Variants in CHD4 observed in about 807,000 individuals in gnomAD.
CHD4 encodes ATP-dependent chromatin remodeler CHD4.
A neutral mutation model predicts 235.5 loss-of-function variants in CHD4; 35 were observed. The ratio of observed to expected loss-of-function variants is 0.15; its 90% CI spans 0.11 to 0.20. The LOEUF (loss-of-function observed/expected upper bound fraction) is 0.20. Among genes scored for constraint, CHD4 ranks in the 10% least tolerant of loss-of-function variants. The probability of loss-of-function intolerance (pLI) is 1.00; values close to 1 mark genes in which losing one functional copy is unlikely to be tolerated. For missense variants in CHD4, 1,329 were observed against 2,432.3 expected, an observed-to-expected ratio of 0.55 and a Z score of 9.54; for synonymous variants, 900 against 850.2, an observed-to-expected ratio of 1.06 and a Z score of -1.02.
chr12:6,580,932 GGGAGGT>G (rs1349426932), intron 33 of CHD4, 106 bp downstream of exon 33: 2 of 1,183,568 alleles, frequency 1.7e-6, no homozygotes, highest in East Asian at 4.7e-5. Flanking sequence ...GCTCGAACCT[GGGAGGT>G]GGAGGTTGCA....
intron 38 of CHD4, chr12:6,571,266 T>A: frequency 2.1e-6 from 1 of 487,202 alleles, no homozygotes; most frequent in Non-Finnish European, 3.6e-6. Flanking sequence ...CCCTTACTAT[T>A]ATTGTATTTC....
At chr12:6,576,103 T>A (rs11064260) in intron 37 of CHD4, among the ~76,000 whole-genome samples, 39,950 of 151,656 alleles carry the variant, frequency 0.26, 6,589 homozygotes, top group African/African-American at 0.47. Context: ...TCACGCCTGT[T>A]ATCTCAGCAC....
At chr12:6,572,702 C>T (rs61918041) in intron 38 of CHD4, among the ~76,000 whole-genome samples, 3,036 of 152,244 alleles carry the variant, frequency 0.02, 48 homozygotes, top group Non-Finnish European at 0.029. Context: ...GGATTATAAG[C>T]GTGCGTTGCG....
At chr12:6,584,666 G>A (rs1360416587) in intron 25 of CHD4, 1 of 152,212 alleles carries the variant, frequency 6.6e-6, no homozygotes, top group African/African-American at 2.4e-5. Context: ...TTCTAGGCAT[G>A]AGCCACCGTG....
At chr12:6,601,113 T>G in intron 6 of CHD4, 60 bp from the exon 7 acceptor site, 1 of 1,524,438 alleles carries the variant, frequency 6.6e-7, no homozygotes, top group East Asian at 2.3e-5. Flanking sequence ...AAATAAAATC[T>G]TCTCCACCTA....
At chr12:6,580,046 ACTCCGT>A (rs1254963342) in intron 33 of CHD4, among the ~76,000 whole-genome samples, 125 of 125,158 alleles carry the variant, frequency 1.0e-3, no homozygotes, top group Non-Finnish European at 1.8e-3. Context: ...ACAAAGCGAG[ACTCCGT>A]CTCAAAAAAA....
intron 2 of CHD4, 41 bp from the exon 3 acceptor site, chr12:6,602,538 C>A: frequency 6.2e-7 from 1 of 1,604,520 alleles, no homozygotes; most frequent in Non-Finnish European, 8.5e-7. Flanking sequence ...GGGAAAAGAT[C>A]AATAGCAAAA....
rs1199783061 is a variant in CHD4 at position 6,591,904 on chromosome 12, G to A, written c.3090+12C>T. The A allele has an allele frequency of 6.2e-7, 1 of 1,614,066 alleles. No homozygotes were observed. On this transcript the variant is annotated intron_variant, in intron 20 of 39. Transcript: ENST00000544040. ...CCCAACCCAGGGAGGAACAGGAGAT[G>A]GCACTACATACCATTGCAGCCACAG...
At chr12:6,588,477 A>T in intron 22 of CHD4, 55 bp from the exon 23 acceptor site, 5 of 1,590,434 alleles carry the variant, frequency 3.1e-6, no homozygotes, top group Non-Finnish European at 4.3e-6. Flanking sequence ...CCAATTCATA[A>T]ATGTAGTTTA....
intron 33 of CHD4, 97 bp from the exon 34 acceptor site, chr12:6,579,014 C>G (rs1186020780): frequency 2.6e-6 from 3 of 1,158,510 alleles, no homozygotes; most frequent in Non-Finnish European, 3.8e-6. Flanking sequence ...ATCTAAATGT[C>G]TGCAATTACA....
At chr12:6,577,230 G>C (rs1436880852) in intron 37 of CHD4, among the ~76,000 whole-genome samples, 1 of 151,932 alleles carries the variant, frequency 6.6e-6, no homozygotes, top group Non-Finnish European at 1.5e-5. Flanking sequence ...GACCAGCCTA[G>C]CCAACATGGT....
chr12:6,587,327 C>A (rs563660026), intron 25 of CHD4, 57 bp downstream of exon 25: 882 of 1,563,630 alleles, frequency 5.6e-4, no homozygotes, highest in Admixed American at 1.2e-3. Flanking sequence ...ACCTTGGTCT[C>A]AATGCCAATT....
chr12:6,600,625 G>A lies in CHD4; in HGVS notation c.972C>T (p.Ala324=), dbSNP rs749055521. The change falls in exon 8 of 40, where the codon GCC becomes GCT. Residue 324 remains alanine (A), a synonymous_variant. Coordinates refer to ENST00000544040, the MANE Select transcript of CHD4 (RefSeq NM_001273.5). ...DLDVESDFDD[A]SINSYSVSDG... ...CAGAAACAGAATAGCTATTGATACT[G>A]GCATCATCGAAGTCAGATTCCACAT... 4.3e-6 allele frequency: 7 copies of A among 1,613,868 alleles called. No individual in the cohort carries two copies. Among genetic ancestry groups the A allele is most frequent in the Admixed American group, 1.7e-5 (1 of 59,988 alleles).
rs747971011 is a variant in CHD4, at chr12:6,588,384, G to T, written c.3379C>A (p.Arg1127=). The T allele has an allele frequency of 2.5e-6, 4 of 1,614,158 alleles. No homozygotes were observed. The highest frequency in any genetic ancestry group is 3.4e-6 in the Non-Finnish European group (4 of 1,180,014). ...AQQFCFLLST[R]AGGLGINLAT... ...AGATTGATTCCAAGGCCCCCAGCTC[G>T]AGTGGAAAGCAAGAAGCAGAACTGC... Residue 1127 remains arginine, a synonymous_variant, in exon 23 of 40, where the codon CGA becomes AGA. Coordinates refer to ENST00000544040, the MANE Select transcript of CHD4 (RefSeq NM_001273.5).
At position 6,582,851 on chromosome 12, in the gene CHD4, A is replaced by G. The variant is rs1388669351; in HGVS notation, c.4233T>C (p.Ile1411=). 4.3e-6 allele frequency: 7 copies of G among 1,613,982 alleles called. No individual in the cohort carries two copies. Among genetic ancestry groups the G allele is most frequent in the Non-Finnish European group, 5.9e-6 (7 of 1,180,038 alleles). ...CTTAGAATCGTATGGCACTTACTTC[A>G]ATATTCCCACCAACACGGGCCAACA... ...PPLLARVGGN[I]EVLGFNARQR... The change falls in exon 28 of 40, where the codon ATT becomes ATC. Residue 1411 remains isoleucine (I), a synonymous_variant. Transcript: ENST00000544040.
chr12:6,591,886 C>T, intron 20 of CHD4, 30 bp downstream of exon 20: 1 of 1,614,054 alleles, frequency 6.2e-7, no homozygotes, highest in African/African-American at 1.3e-5. Context: ...AGACCCAACC[C>T]AGGGAGGAAC....
chr12:6,606,299 G>C lies in CHD4; in HGVS notation c.75C>G (p.Asn25Lys), dbSNP rs781312737. The C allele has an allele frequency of 6.3e-7, 1 of 1,585,878 alleles. No individual in the cohort carries two copies. The highest frequency in any genetic ancestry group is 8.6e-7 in the Non-Finnish European group (1 of 1,167,762). The stretch of plus-strand genomic sequence containing the variant: ...CTGGGTGGGGTGGGGGCAGGCTGTT[G>C]TTCAAAAGTGCATCCATATCCTCCT... ...SEEEDMDALLNNSLPPPHPEN... is the reference protein window; with the variant it reads ...SEEEDMDALLKNSLPPPHPEN... The change falls in exon 2 of 40, where the codon AAC becomes AAG. Residue 25 changes from asparagine to lysine, a missense_variant. Physicochemically the swap from Asn to Lys is moderately conservative, Grantham distance 94 (BLOSUM62 0). This residue lies in a region of CHD4 where 213 missense variants were observed against 177.5 expected (regional missense o/e 1.20). Coordinates refer to ENST00000544040, the MANE Select transcript of CHD4 (RefSeq NM_001273.5).
At position 6,602,025 on chromosome 12, in the gene CHD4, C is replaced by T. The variant is rs1396469404; in HGVS notation, c.373G>A (p.Glu125Lys). The T allele has an allele frequency of 6.2e-7, 1 of 1,612,440 alleles. No individual in the cohort carries two copies. The highest frequency in any genetic ancestry group is 1.7e-5 in the Admixed American group (1 of 59,960). The change falls in exon 4 of 40, where the codon GAG (glutamate) becomes AAG (lysine). Residue 125 changes from glutamate to lysine, a missense_variant. Transcript: ENST00000544040. The stretch of plus-strand genomic sequence containing the variant: ...TTCCGCTTGGATTTGCTCTTCTTCT[C>T]TTTCTTAGGTCCAAGCTTCTTCTTC... ...KKKKKLGPKK[E>K]KKSKSKRKEE...
intron 38 of CHD4, chr12:6,571,779 G>A (rs1159834647): frequency 2.6e-5 from 4 of 152,140 alleles, no homozygotes. Flanking sequence ...GGCCAACATG[G>A]TGAAACCCCA....
Sources: gnomAD v4.1 joint callset for allele counts (sites outside exome capture counted in the v4.1 genomes callset) on GRCh38, gnomAD v4.1.1 for gene constraint, gnomAD v4.1.1 regional missense constraint, MANE v1.5 for transcripts, NCBI Gene and HGNC (gene_info 2026-07-23, HGNC 2026-07-21) for gene names.